NRXN3: variants seen among roughly 807,000 people sequenced by gnomAD.
NRXN3 encodes the protein neurexin III.
Under a neutral mutation model 137.6 loss-of-function variants are expected in NRXN3, and 32 were observed. The observed-to-expected ratio is 0.23, with a 90% CI of 0.18 to 0.31. The LOEUF is 0.31. Ranked by LOEUF, NRXN3 falls within the 10% of genes least tolerant of loss-of-function variation. The pLI, the probability that NRXN3 is intolerant of heterozygous loss-of-function variation, is 1.00. For synonymous variants in NRXN3, 798 were observed against 784.5 expected, an observed-to-expected ratio of 1.02 and a Z score of -0.29; for missense variants, 1,574 against 2,062.5, an observed-to-expected ratio of 0.76 and a Z score of 4.59.
intron 5 of NRXN3, among the ~76,000 whole-genome samples, chr14:78,650,074 G>T (rs919208157): frequency 2.6e-5 from 4 of 151,988 alleles, no homozygotes; most frequent in African/African-American, 7.2e-5. Context: ...TGGGGGTTGG[G>T]TTTGGACTTT....
rs576176846 is a variant in NRXN3, at chr14:79,812,189, G to A, written c.4093+6999G>A. 7.9e-5 allele frequency among the ~76,000 whole-genome samples: 12 copies of A among 152,224 alleles called. No homozygotes were observed. In the East Asian group the frequency reaches 1.2e-3, roughly 15 times the overall value. Reference sequence around the variant, plus strand: ...AAGATTTTTTAGTAGGTTGGAGAGCGAGGCAGGGGAATCCATAAAATCAAT... The same window carrying A: ...AAGATTTTTTAGTAGGTTGGAGAGCAAGGCAGGGGAATCCATAAAATCAAT... On this transcript the variant is annotated intron_variant, in intron 20 of 20. Transcript: ENST00000335750.
chr14:78,416,891 A>G (rs941540981), intron 4 of NRXN3, among the ~76,000 whole-genome samples: 6 of 152,232 alleles, frequency 3.9e-5, no homozygotes, highest in African/African-American at 1.4e-4. Flanking sequence ...GTGAACTAGG[A>G]TGGGCCTAGC....
chr14:79,211,157 A>G (rs2067603686), intron 15 of NRXN3, among the ~76,000 whole-genome samples: 2 of 152,166 alleles, frequency 1.3e-5, no homozygotes, highest in Admixed American at 1.3e-4. Flanking sequence ...ACTACCTGCT[A>G]TTATTGACTT....
At chr14:79,225,723 AC>A in intron 15 of NRXN3, among the ~76,000 whole-genome samples, 1 of 152,278 alleles carries the variant, frequency 6.6e-6, no homozygotes, top group African/African-American at 2.4e-5. Flanking sequence ...TGTTTCGTAA[AC>A]CACTTTGGTT....
At chr14:79,245,909 C>T (rs17597295) in intron 15 of NRXN3, among the ~76,000 whole-genome samples, 19,303 of 151,962 alleles carry the variant, frequency 0.13, 1,635 homozygotes, top group Non-Finnish European at 0.18. Flanking sequence ...AGTACAGGCG[C>T]GTGTTTGGTA....
intron 17 of NRXN3, among the ~76,000 whole-genome samples, chr14:79,667,901 G>A (rs1277240008): frequency 6.6e-6 from 1 of 152,012 alleles, no homozygotes; most frequent in Admixed American, 6.6e-5. Flanking sequence ...TCTTCTCTCT[G>A]CTGTGAGTGG....
intron 4 of NRXN3, among the ~76,000 whole-genome samples, chr14:78,610,592 A>G (rs2097292510): frequency 6.6e-6 from 1 of 152,224 alleles, no homozygotes; most frequent in African/African-American, 2.4e-5. Flanking sequence ...TAAGTAGTTG[A>G]TGATTCTGTG....
chr14:79,169,734 T>A (rs2153089490), intron 15 of NRXN3, among the ~76,000 whole-genome samples: 1 of 152,270 alleles, frequency 6.6e-6, no homozygotes, highest in South Asian at 2.1e-4. Context: ...ATAGAAAATG[T>A]ATTTTTTAGG....
intron 4 of NRXN3, among the ~76,000 whole-genome samples, chr14:78,518,405 G>A (rs1485708429): frequency 5.9e-5 from 9 of 152,042 alleles, no homozygotes; most frequent in South Asian, 2.1e-4. Context: ...AATCCAGTCC[G>A]GAGTTACAGG....
intron 4 of NRXN3, among the ~76,000 whole-genome samples, chr14:78,415,707 G>T (rs2093097228): frequency 6.6e-6 from 1 of 152,138 alleles, no homozygotes; most frequent in South Asian, 2.1e-4. Context: ...CCAGGGTGAT[G>T]GTGTTTGGAG....
chr14:78,331,824 A>G (rs186705579), intron 4 of NRXN3, among the ~76,000 whole-genome samples: 1 of 152,314 alleles, frequency 6.6e-6, no homozygotes, highest in Non-Finnish European at 1.5e-5. Context: ...ATTACTCAAT[A>G]TAAAAATAGT....
chr14:78,345,959 A>C (rs919032248), intron 4 of NRXN3, among the ~76,000 whole-genome samples: 13 of 152,204 alleles, frequency 8.5e-5, no homozygotes, highest in African/African-American at 2.9e-4. Context: ...CAGATGTGTC[A>C]GGGACTTCTG....
intron 16 of NRXN3, among the ~76,000 whole-genome samples, chr14:79,540,867 T>C (rs575503217): frequency 2.6e-5 from 4 of 152,160 alleles, no homozygotes; most frequent in Non-Finnish European, 5.9e-5. Context: ...TTTTCCAACA[T>C]GAAAAGGACC....
chr14:78,405,505 T>A (rs17107504), intron 4 of NRXN3, among the ~76,000 whole-genome samples: 15,434 of 152,040 alleles, frequency 0.1, 1,364 homozygotes, highest in African/African-American at 0.24. Flanking sequence ...TTATCACTGA[T>A]CATTCCCTCC....
chr14:79,042,006 C>G (rs149795654), intron 15 of NRXN3, among the ~76,000 whole-genome samples: 1 of 152,248 alleles, frequency 6.6e-6, no homozygotes, highest in East Asian at 1.9e-4. Flanking sequence ...CAAGGCAACA[C>G]AGGAAAAAGC....
intron 10 of NRXN3, among the ~76,000 whole-genome samples, chr14:78,950,179 G>T (rs1373734327): frequency 6.6e-6 from 1 of 152,068 alleles, no homozygotes; most frequent in East Asian, 1.9e-4. Flanking sequence ...TCCACAAAAG[G>T]ATCTTCCTGC....
chr14:78,778,678 T>TTTTCTTTTC (rs1555489568), intron 8 of NRXN3, among the ~76,000 whole-genome samples: 1,637 of 114,494 alleles, frequency 0.014, 26 homozygotes, highest in South Asian at 0.047. Context: ...TTCTCTTTTC[T>TTTTCTTTTC]TTTCTTTCTT....
At chr14:79,361,952 C>T (rs890712570) in intron 15 of NRXN3, among the ~76,000 whole-genome samples, 3 of 151,050 alleles carry the variant, frequency 2.0e-5, no homozygotes, top group Non-Finnish European at 4.4e-5. Flanking sequence ...GTAAGACTCT[C>T]GAGGCCAGCA....
chr14:78,189,457 C>T (rs1019266039), intron 1 of NRXN3, among the ~76,000 whole-genome samples: 1 of 152,228 alleles, frequency 6.6e-6, no homozygotes, highest in Non-Finnish European at 1.5e-5. Context: ...CAGCACCTTC[C>T]TGCCCTTCTG....
Sources: allele counts gnomAD v4.1 joint callset (sites outside exome capture counted in the v4.1 genomes callset), GRCh38; gene constraint gnomAD v4.1.1; transcripts MANE v1.5; gene names NCBI Gene and HGNC (gene_info 2026-07-23, HGNC 2026-07-21).